The following RBFOX1 variants were observed in gnomAD, a reference collection of about 807,000 sequenced individuals.
The protein encoded by RBFOX1 is RNA binding fox-1 homolog 1.
In RBFOX1, 8 loss-of-function variants were observed where a neutral mutation model predicts 57.7. That is an observed-to-expected ratio of 0.14 (90% CI 0.08 to 0.25). The LOEUF (loss-of-function observed/expected upper bound fraction) is 0.25, where lower values mean the gene tolerates loss of function less well. RBFOX1 is among the 10% of genes least tolerant of loss of function. RBFOX1 has a pLI of 1.00. For synonymous variants in RBFOX1, 326 were observed against 222.4 expected (o/e 1.47, Z -4.15); for missense variants, 611 against 548.5 (o/e 1.11, Z -1.14).
intron 3 of RBFOX1, among the ~76,000 whole-genome samples, chr16:6,940,839 T>G (rs2078281163): frequency 2.4e-5 from 3 of 127,582 alleles, no homozygotes; most frequent in Non-Finnish European, 3.2e-5. Context: ...CCTGCCACCA[T>G]GTCCGGCTAG....
At chr16:6,071,986 A>C (rs58439828) in intron 1 of RBFOX1, among the ~76,000 whole-genome samples, 51,623 of 152,106 alleles carry the variant, frequency 0.34, 9,531 homozygotes, top group Non-Finnish European at 0.42. Context: ...TGTTTTAGTC[A>C]GTTCTCACAT....
chr16:6,835,808 G>C (rs540544830), intron 3 of RBFOX1, among the ~76,000 whole-genome samples: 1 of 148,906 alleles, frequency 6.7e-6, no homozygotes, highest in South Asian at 2.2e-4. Flanking sequence ...GCTCTAAATC[G>C]GTGTCCTGAT....
At chr16:6,677,766 C>T (rs549966816) in intron 3 of RBFOX1, among the ~76,000 whole-genome samples, 2 of 152,142 alleles carry the variant, frequency 1.3e-5, no homozygotes, top group Non-Finnish European at 2.9e-5. Context: ...TCTGACATCA[C>T]TATACAAGTT....
intron 3 of RBFOX1, among the ~76,000 whole-genome samples, chr16:5,614,042 C>T (rs2047926630): frequency 6.6e-6 from 1 of 151,986 alleles, no homozygotes; most frequent in Non-Finnish European, 1.5e-5. Flanking sequence ...TGTAGGAACA[C>T]TGAGAAAGAA....
At chr16:5,943,875 A>T (rs552253964) in intron 4 of RBFOX1, among the ~76,000 whole-genome samples, 16 of 151,418 alleles carry the variant, frequency 1.1e-4, no homozygotes, top group Non-Finnish European at 7.4e-5. Context: ...CCATTAATCT[A>T]CCTGTTCACC....
intron 3 of RBFOX1, among the ~76,000 whole-genome samples, chr16:6,852,926 A>G (rs554862365): frequency 2.6e-5 from 4 of 152,188 alleles, no homozygotes; most frequent in Admixed American, 2.6e-4. Context: ...CTAGCTGTCC[A>G]TGCAAGGAGG....
intron 2 of RBFOX1, among the ~76,000 whole-genome samples, chr16:6,525,469 G>C (rs1394398278): frequency 6.6e-6 from 1 of 152,204 alleles, no homozygotes; most frequent in East Asian, 1.9e-4. Flanking sequence ...AGATGTTTGT[G>C]CTCAAGTCAG....
intron 3 of RBFOX1, among the ~76,000 whole-genome samples, chr16:6,846,585 C>T (rs1161434942): frequency 3.3e-5 from 5 of 152,156 alleles, no homozygotes; most frequent in Non-Finnish European, 1.5e-5. Context: ...ATTGGAGCTA[C>T]AAATGTGGAA....
At chr16:7,193,520 T>C (rs1471476439) in intron 4 of RBFOX1, among the ~76,000 whole-genome samples, 2 of 152,246 alleles carry the variant, frequency 1.3e-5, no homozygotes, top group Non-Finnish European at 2.9e-5. Context: ...GTAATCAATA[T>C]AACTGCAAAT....
intron 1 of RBFOX1, among the ~76,000 whole-genome samples, chr16:6,111,895 T>C (rs941684185): frequency 1.3e-5 from 2 of 152,200 alleles, no homozygotes; most frequent in African/African-American, 2.4e-5. Flanking sequence ...TTGATATAAA[T>C]AATCCATATA....
At chr16:7,149,501 TTC>T (rs1491330660) in intron 4 of RBFOX1, among the ~76,000 whole-genome samples, 13 of 117,594 alleles carry the variant, frequency 1.1e-4, no homozygotes, top group South Asian at 5.4e-4. Context: ...TTTTTTTTTT[TTC>T]CCCGACAGGG....
At position 6,034,644 on chromosome 16, in the gene RBFOX1, A is replaced by C. The variant is rs77625382; in HGVS notation, c.-127+14652A>C. Among the ~76,000 whole-genome samples the C allele has an allele frequency of 3.5e-3, 530 of 152,300 alleles. 14 individuals carry two copies. In the East Asian group the frequency reaches 0.068, roughly 20 times the overall value. On this transcript the variant is annotated intron_variant, in intron 1 of 15. Transcript: ENST00000550418. ...AGTGTTGCATTGGAGAATAAGTTTG[A>C]ACGTGAATTTTGGCGGGGACACAAA...
At chr16:5,882,788 A>G (rs2057795183) in intron 4 of RBFOX1, among the ~76,000 whole-genome samples, 1 of 152,194 alleles carries the variant, frequency 6.6e-6, no homozygotes, top group Non-Finnish European at 1.5e-5. Flanking sequence ...TGCAAATTAG[A>G]GAATGTGAAA....
intron 3 of RBFOX1, among the ~76,000 whole-genome samples, chr16:5,673,630 C>T (rs2050081203): frequency 6.6e-6 from 1 of 152,242 alleles, no homozygotes; most frequent in Non-Finnish European, 1.5e-5. Flanking sequence ...TCATGTCTAT[C>T]TTTGGGGGAA....
chr16:5,771,326 AC>A (rs1276376238), intron 3 of RBFOX1, among the ~76,000 whole-genome samples: 2 of 152,204 alleles, frequency 1.3e-5, no homozygotes, highest in African/African-American at 4.8e-5. Context: ...GTCTACATGT[AC>A]CTGAGAAGTG....
At chr16:5,787,228 G>C (rs981994606) in intron 3 of RBFOX1, among the ~76,000 whole-genome samples, 3 of 152,198 alleles carry the variant, frequency 2.0e-5, no homozygotes, top group African/African-American at 7.2e-5. Context: ...TGGGAGAAAA[G>C]GGAACAGGTG....
At chr16:7,168,159 T>C (rs528306554) in intron 4 of RBFOX1, among the ~76,000 whole-genome samples, 1 of 152,350 alleles carries the variant, frequency 6.6e-6, no homozygotes, top group East Asian at 1.9e-4. Flanking sequence ...TAAAGTTCAC[T>C]TATCAATGAT....
At chr16:5,919,952 T>G (rs1228120535) in intron 4 of RBFOX1, among the ~76,000 whole-genome samples, 1 of 152,160 alleles carries the variant, frequency 6.6e-6, no homozygotes, top group Admixed American at 6.5e-5. Context: ...TACTTCCATT[T>G]TTTTTAGACG....
chr16:7,198,975 A>G (rs1030726286), intron 4 of RBFOX1, among the ~76,000 whole-genome samples: 1 of 152,154 alleles, frequency 6.6e-6, no homozygotes, highest in Non-Finnish European at 1.5e-5. Flanking sequence ...CCTTAGAGAA[A>G]TGGTGTCCAT....
Sources: allele counts gnomAD v4.1 joint callset (sites outside exome capture counted in the v4.1 genomes callset), GRCh38; gene constraint gnomAD v4.1.1; transcripts MANE v1.5; gene names NCBI Gene and HGNC (gene_info 2026-07-23, HGNC 2026-07-21).